Variants in ZCCHC10 observed in about 807,000 individuals in gnomAD.
ZCCHC10 encodes zinc finger CCHC domain-containing protein 10.
In ZCCHC10, 16 loss-of-function variants were observed where a neutral mutation model predicts 19.5. That is an observed-to-expected ratio of 0.82 (90% confidence interval 0.56 to 1.25). The LOEUF (loss-of-function observed/expected upper bound fraction) is 1.25. Ranked by LOEUF, ZCCHC10 falls within the 50% of genes most tolerant of loss-of-function variation. ZCCHC10 has a pLI of 0.00. For synonymous variants in ZCCHC10, 67 were observed against 72.5 expected (o/e 0.92, Z 0.38); for missense variants, 197 against 201.0 (o/e 0.98, Z 0.12).
intron 3 of ZCCHC10, 107 bp downstream of exon 3, chr5:133,006,652 A>C (rs1581388350): frequency 2.7e-6 from 3 of 1,104,576 alleles, no homozygotes; most frequent in Non-Finnish European, 3.7e-6. Context: ...AAACATTAGT[A>C]ACATTATAAT....
Position 133,006,460 on chromosome 5 carries a change from T to G in ZCCHC10, c.269+299A>C, listed in dbSNP as rs774454226. 3.9e-5 allele frequency among the ~76,000 whole-genome samples: 6 copies of G among 152,284 alleles called. No homozygotes were observed. In the South Asian group the frequency reaches 1.2e-3, roughly 32 times the overall value. On this transcript the variant is annotated intron_variant, in intron 3 of 4. Coordinates refer to ENST00000509437, the MANE Select transcript of ZCCHC10 (RefSeq NM_001300816.3). ...ACAGGCTGCATGATTTAACACTTACTTTTTCTTCTTACTAGCTGTATGACA... is the reference window on the plus strand; with the variant it reads ...ACAGGCTGCATGATTTAACACTTACGTTTTCTTCTTACTAGCTGTATGACA...
At chr5:133,002,939 C>T (rs1234903651) in intron 3 of ZCCHC10, among the ~76,000 whole-genome samples, 4 of 152,202 alleles carry the variant, frequency 2.6e-5, no homozygotes, top group South Asian at 2.1e-4. Flanking sequence ...AGGCTGGTCT[C>T]GAACTCTTGA....
At chr5:133,022,540 G>T (rs899781097) in intron 2 of ZCCHC10, among the ~76,000 whole-genome samples, 2 of 151,122 alleles carry the variant, frequency 1.3e-5, no homozygotes, top group Non-Finnish European at 2.9e-5. Flanking sequence ...TGCAACCTCC[G>T]TCTCCCGGGT....
At chr5:133,006,322 A>G (rs1381595694) in intron 3 of ZCCHC10, among the ~76,000 whole-genome samples, 1 of 152,074 alleles carries the variant, frequency 6.6e-6, no homozygotes, top group African/African-American at 2.4e-5. Flanking sequence ...TATACCTGGT[A>G]CTTCTTGGAT....
intron 3 of ZCCHC10, among the ~76,000 whole-genome samples, chr5:133,002,524 A>G (rs1249151075): frequency 6.6e-6 from 1 of 152,048 alleles, no homozygotes; most frequent in African/African-American, 2.4e-5. Flanking sequence ...CATAACCCGT[A>G]TTTCATTCTT....
rs139987888 is a variant in ZCCHC10 at position 133,006,729 on chromosome 5, T to A, written c.269+30A>T. On this transcript the variant is annotated intron_variant, in intron 3 of 4. Transcript: ENST00000509437. ...AAATTCTATATACACATTAAAAAAA[T>A]ATTCCTTTGGATACCACATGTAAAC... 104 of 1,562,734 alleles carry A rather than the reference T, an allele frequency of 6.7e-5. 1 individual carries two copies. In the East Asian group the frequency reaches 2.0e-3, roughly 30 times the overall value.
intron 2 of ZCCHC10, among the ~76,000 whole-genome samples, chr5:133,016,237 C>T (rs992242890): frequency 3.8e-5 from 5 of 131,442 alleles, no homozygotes; most frequent in South Asian, 2.2e-4. Context: ...TGGGACATTG[C>T]GCTCCAGTTA....
At chr5:133,001,731 A>C (rs1762786314) in intron 3 of ZCCHC10, among the ~76,000 whole-genome samples, 1 of 152,104 alleles carries the variant, frequency 6.6e-6, no homozygotes, top group African/African-American at 2.4e-5. Flanking sequence ...TGTTGGGATT[A>C]CAAGTGTGAG....
intron 4 of ZCCHC10, 84 bp downstream of exon 4, chr5:133,000,048 T>C: frequency 2.7e-6 from 4 of 1,472,598 alleles, no homozygotes; most frequent in Non-Finnish European, 3.8e-6. Context: ...GCATCTGGCA[T>C]AGCTATTGTT....
intron 2 of ZCCHC10, among the ~76,000 whole-genome samples, chr5:133,014,743 C>T (rs1040202998): frequency 5.3e-5 from 8 of 152,206 alleles, no homozygotes; most frequent in Non-Finnish European, 1.2e-4. Flanking sequence ...CCATGTTGGC[C>T]TTTCCACAGT....
intron 2 of ZCCHC10, among the ~76,000 whole-genome samples, chr5:133,021,719 C>T (rs1432154256): frequency 1.3e-5 from 2 of 152,136 alleles, no homozygotes; most frequent in African/African-American, 2.4e-5. Context: ...AAATACTGTA[C>T]ATTAGGCTGC....
chr5:133,017,079 G>A (rs912706017), intron 2 of ZCCHC10, among the ~76,000 whole-genome samples: 7 of 152,072 alleles, frequency 4.6e-5, no homozygotes, highest in African/African-American at 1.2e-4. Flanking sequence ...CTCTCCATGA[G>A]GAGACAACTT....
chr5:133,008,537 C>CAA lies in ZCCHC10; in HGVS notation c.108-1619_108-1618dup, dbSNP rs567424776. ...TGGGCAACAGGGTGAGACTCCATCT[C>CAA]AAAAAAAAAAAAAAAAAATCAGAGA... On this transcript the variant is annotated intron_variant, in intron 2 of 4. Coordinates refer to ENST00000509437, the MANE Select transcript of ZCCHC10 (RefSeq NM_001300816.3). Among the ~76,000 whole-genome samples the CAA allele has an allele frequency of 2.8e-4, 28 of 98,446 alleles. 1 individual carries two copies. In the Middle Eastern group the frequency reaches 0.019, roughly 66 times the overall value. 64.6% of individuals were successfully genotyped at this position (98,446 alleles called of 152,430 possible). A position where few individuals can be genotyped will look rare whatever the true frequency, so the allele number is the denominator to read the frequency against.
intron 2 of ZCCHC10, among the ~76,000 whole-genome samples, chr5:133,015,921 C>T (rs992170658): frequency 1.1e-4 from 16 of 152,088 alleles, no homozygotes; most frequent in Non-Finnish European, 2.1e-4. Context: ...TATTTAGTTC[C>T]TTTATTCATG....
intron 2 of ZCCHC10, among the ~76,000 whole-genome samples, chr5:133,011,625 A>AT (rs1491372371): frequency 1.5e-5 from 1 of 68,648 alleles, no homozygotes; most frequent in Non-Finnish European, 2.9e-5. Context: ...GACTCCATCT[A>AT]AAAAAAAAAA....
In ZCCHC10 at chr5:133,008,429, A is replaced by G. The variant is rs190298047; in HGVS notation, c.108-1509T>C. Among the ~76,000 whole-genome samples the G allele has an allele frequency of 5.7e-3, 818 of 143,636 alleles. 5 individuals carry two copies. Among genetic ancestry groups the G allele is most frequent in the South Asian group, 0.032 (137 of 4,250 alleles). 94.2% of individuals were successfully genotyped at this position (143,636 alleles called of 152,430 possible). On this transcript the variant is annotated intron_variant, in intron 2 of 4. Coordinates refer to ENST00000509437, the MANE Select transcript of ZCCHC10 (RefSeq NM_001300816.3). ...GGTGGGCACCTGTAATCCCAGCTAC[A>G]TGGGAGGCTGAGGCAGGAGAATCAT...
intron 2 of ZCCHC10, among the ~76,000 whole-genome samples, chr5:133,010,626 C>CA (rs1763437339): frequency 6.6e-6 from 1 of 151,942 alleles, no homozygotes; most frequent in Non-Finnish European, 1.5e-5. Context: ...TTCTATATAA[C>CA]AAAAAACAGT....
chr5:133,001,398 AAACAACAACAAC>A (rs148198017), intron 3 of ZCCHC10, among the ~76,000 whole-genome samples: 1 of 151,216 alleles, frequency 6.6e-6, no homozygotes, highest in African/African-American at 2.4e-5. Flanking sequence ...CTCAAAATAA[AAACAACAACAAC>A]AACAACAACA....
intron 2 of ZCCHC10, among the ~76,000 whole-genome samples, chr5:133,013,235 G>A (rs1286186998): frequency 2.1e-5 from 3 of 145,512 alleles, no homozygotes; most frequent in African/African-American, 7.7e-5. Context: ...TCCAGCCTGG[G>A]CGACAGAGTG....
Sources: allele counts gnomAD v4.1 joint callset (sites outside exome capture counted in the v4.1 genomes callset), GRCh38; gene constraint gnomAD v4.1.1; transcripts MANE v1.5; gene names NCBI Gene and HGNC (gene_info 2026-07-23, HGNC 2026-07-21).